The following RANBP9 variants were observed in gnomAD, a reference collection of about 807,000 sequenced individuals.
RANBP9 encodes RAN binding protein 9, also known as ran-binding protein 9.
RANBP9 carries 15 observed loss-of-function variants against 84.3 expected under a neutral mutation model. That is an observed-to-expected ratio of 0.18 (90% confidence interval 0.12 to 0.27). The LOEUF (loss-of-function observed/expected upper bound fraction) is 0.27. Among genes scored for constraint, RANBP9 ranks in the 10% least tolerant of loss-of-function variants. The pLI is 1.00. For synonymous variants in RANBP9, 392 were observed against 349.6 expected, an observed-to-expected ratio of 1.12 and a Z score of -1.35; for missense variants, 809 against 912.8, an observed-to-expected ratio of 0.89 and a Z score of 1.46.
At chr6:13,648,173 G>T (rs1158076964) in intron 5 of RANBP9, among the ~76,000 whole-genome samples, 1 of 114,540 alleles carries the variant, frequency 8.7e-6, no homozygotes, top group Non-Finnish European at 1.8e-5. Flanking sequence ...TTTTTGAGAC[G>T]GAGTCTCACT....
At position 13,637,968 on chromosome 6, in the gene RANBP9, A is replaced by G. The variant is rs756414930; in HGVS notation, c.1526-13T>C. 7 of 1,584,502 alleles carry G rather than the reference A, an allele frequency of 4.4e-6. No homozygotes were observed. Among genetic ancestry groups the G allele is most frequent in the Non-Finnish European group, 6.0e-6 (7 of 1,168,350 alleles). ...CAACTTTCAAAACCTGAAGAAAAAG[A>G]TACCACGTAGAAACAGAAACAAACA... On this transcript the variant is annotated splice_polypyrimidine_tract_variant and intron_variant, in intron 9 of 13. Coordinates refer to ENST00000011619, the MANE Select transcript of RANBP9 (RefSeq NM_005493.3).
intron 5 of RANBP9, among the ~76,000 whole-genome samples, chr6:13,648,189 G>A (rs1765217538): frequency 9.0e-6 from 1 of 111,716 alleles, no homozygotes; most frequent in South Asian, 3.3e-4. Flanking sequence ...TCACTCTGCC[G>A]CCCAGGCTGA....
intron 12 of RANBP9, among the ~76,000 whole-genome samples, chr6:13,629,874 ATCTC>A (rs370810603): frequency 2.9e-5 from 4 of 137,620 alleles, no homozygotes; most frequent in Non-Finnish European, 4.8e-5. Context: ...AAATCTCTCA[ATCTC>A]TCTCTCTCAT....
At chr6:13,657,384 T>C in intron 3 of RANBP9, 108 bp from the exon 4 acceptor site, 1 of 800,164 alleles carries the variant, frequency 1.2e-6, no homozygotes, top group Non-Finnish European at 1.8e-6. Context: ...AATATAAAGA[T>C]GAAATTCCCA....
At chr6:13,657,801 A>G (rs1765437281) in intron 3 of RANBP9, among the ~76,000 whole-genome samples, 3 of 152,188 alleles carry the variant, frequency 2.0e-5, no homozygotes, top group Admixed American at 2.0e-4. Flanking sequence ...GAGTTTTCAA[A>G]TAATAAAAAC....
Position 13,711,781 on chromosome 6 carries a change from G to A in RANBP9, c.-276C>T, listed in dbSNP as rs948825201. Among the ~76,000 whole-genome samples, 1 of 146,958 alleles carries A rather than the reference G, an allele frequency of 6.8e-6. No homozygotes were observed. ...CCGAGGGCGGGGGCGACGCGGGAGC[G>A]CGGGAGGGGAAGGCGCGCTGGCGGC... On this transcript the variant is annotated 5_prime_UTR_variant, in exon 1 of 14. Transcript: ENST00000011619.
Position 13,710,994 on chromosome 6 carries a change from G to C in RANBP9, c.512C>G (p.Pro171Arg). 2 of 1,609,524 alleles carry C rather than the reference G, an allele frequency of 1.2e-6. No individual in the cohort carries two copies. The highest frequency in any genetic ancestry group is 1.7e-6 in the Non-Finnish European group (2 of 1,178,222). ...GCCGATGTAGCTGAACTTGTCCTTC[G>C]GGCTCCAGGACCGAGGCAGCGGCGT... is the stretch of plus-strand genomic sequence containing the variant. ...QETPLPRSWS[P>R]KDKFSYIGLS... Residue 171 changes from proline to arginine, a missense_variant, in exon 1 of 14, where the codon CCG (proline) becomes CGG (arginine). By Grantham distance (103) the Pro-to-Arg change is moderately radical (BLOSUM62 -2). This residue lies in a region of RANBP9 where 302 missense variants were observed against 240.1 expected (regional missense o/e 1.26). Transcript: ENST00000011619.
intron 10 of RANBP9, among the ~76,000 whole-genome samples, 195 bp downstream of exon 10, chr6:13,637,613 A>G (rs992395462): frequency 2.6e-5 from 4 of 152,190 alleles, no homozygotes; most frequent in Non-Finnish European, 5.9e-5. Flanking sequence ...GAAACTAAGG[A>G]AAGAGCTCAT....
chr6:13,666,114 GT>G (rs1765638045), intron 2 of RANBP9, among the ~76,000 whole-genome samples: 1 of 151,934 alleles, frequency 6.6e-6, no homozygotes, highest in Non-Finnish European at 1.5e-5. Context: ...TTCACCAAAT[GT>G]AAACTGTACC....
intron 8 of RANBP9, 103 bp downstream of exon 8, chr6:13,641,096 G>GA (rs1321361064): frequency 1.1e-5 from 8 of 736,760 alleles, no homozygotes; most frequent in African/African-American, 9.4e-5. Context: ...CTTGAAAAAC[G>GA]AAAAAAACTA....
intron 2 of RANBP9, among the ~76,000 whole-genome samples, chr6:13,690,590 C>CT (rs1766299772): frequency 6.6e-6 from 1 of 152,186 alleles, no homozygotes; most frequent in Non-Finnish European, 1.5e-5. Context: ...TACTGAAACA[C>CT]TGTCAAAGAG....
intron 5 of RANBP9, among the ~76,000 whole-genome samples, chr6:13,647,801 C>A (rs533525199): frequency 9.2e-5 from 14 of 152,154 alleles, no homozygotes; most frequent in South Asian, 4.1e-4. Context: ...TTTTGGCTCA[C>A]TGAAAAGTAA....
Position 13,692,302 on chromosome 6 carries a change from G to A in RANBP9, c.683+4483C>T, listed in dbSNP as rs529363127. Among the ~76,000 whole-genome samples the A allele has an allele frequency of 8.6e-5, 13 of 152,010 alleles. No individual in the cohort carries two copies. In the South Asian group the frequency reaches 2.5e-3, roughly 29 times the overall value. ...TATAATCCCAGCACTTTGGGAGGCC[G>A]AGGCGGGTGGATCACCTGAGGTCAG... On this transcript the variant is annotated intron_variant, in intron 2 of 13. Coordinates refer to ENST00000011619, the MANE Select transcript of RANBP9 (RefSeq NM_005493.3).
At chr6:13,629,596 G>C (rs1256225719) in intron 12 of RANBP9, among the ~76,000 whole-genome samples, 2 of 152,110 alleles carry the variant, frequency 1.3e-5, no homozygotes, top group Non-Finnish European at 2.9e-5. Flanking sequence ...TGGTTCTCTT[G>C]CTACTTCAGT....
chr6:13,651,185 G>C (rs904668754), intron 5 of RANBP9, among the ~76,000 whole-genome samples: 7 of 152,022 alleles, frequency 4.6e-5, no homozygotes, highest in Non-Finnish European at 1.0e-4. Context: ...TTATGTCACA[G>C]TTTGTTAGTT....
At chr6:13,709,947 T>TA (rs1434432674) in intron 1 of RANBP9, among the ~76,000 whole-genome samples, 1 of 152,230 alleles carries the variant, frequency 6.6e-6, no homozygotes, top group Non-Finnish European at 1.5e-5. Context: ...GTTTGGGGCC[T>TA]AAAACCCTGG....
At chr6:13,703,634 A>C (rs1758030489) in intron 1 of RANBP9, among the ~76,000 whole-genome samples, 1 of 152,258 alleles carries the variant, frequency 6.6e-6, no homozygotes, top group Non-Finnish European at 1.5e-5. Flanking sequence ...CATAGCAATT[A>C]GCCAGGCCAA....
chr6:13,630,049 AAG>A (rs1360732616), intron 12 of RANBP9, among the ~76,000 whole-genome samples: 1 of 152,076 alleles, frequency 6.6e-6, no homozygotes, highest in Non-Finnish European at 1.5e-5. Context: ...AAGTGACAAA[AAG>A]AAGTGGAATG....
chr6:13,689,286 T>A (rs978146860), intron 2 of RANBP9, among the ~76,000 whole-genome samples: 3 of 151,828 alleles, frequency 2.0e-5, no homozygotes, highest in Admixed American at 1.3e-4. Context: ...TTTTTTTTTT[T>A]TGAGAGATGA....
Sources: gnomAD v4.1 joint callset for allele counts (sites outside exome capture counted in the v4.1 genomes callset) on GRCh38, gnomAD v4.1.1 for gene constraint, gnomAD v4.1.1 regional missense constraint, MANE v1.5 for transcripts, NCBI Gene and HGNC (gene_info 2026-07-23, HGNC 2026-07-21) for gene names.